Variants in L3MBTL4 observed in about 807,000 individuals in gnomAD.
L3MBTL4 encodes lethal(3)malignant brain tumor-like protein 4.
In L3MBTL4, 70 loss-of-function variants were observed where a neutral mutation model predicts 84.5. The observed-to-expected ratio is 0.83, with a 90% CI of 0.68 to 1.01. L3MBTL4 has a LOEUF of 1.01. Among genes scored for constraint, L3MBTL4 ranks in the 50% least tolerant of loss-of-function variants. The probability of loss-of-function intolerance (pLI) is 0.00; values close to 1 mark genes in which losing one functional copy is unlikely to be tolerated. For missense variants in L3MBTL4, 715 were observed against 754.8 expected (o/e 0.95, Z 0.62); for synonymous variants, 274 against 259.8 (o/e 1.05, Z -0.52).
chr18:6,209,030 T>C (rs1352607035), intron 12 of L3MBTL4, among the ~76,000 whole-genome samples: 2 of 152,204 alleles, frequency 1.3e-5, no homozygotes, highest in Non-Finnish European at 2.9e-5. Context: ...CCCCCAGCAC[T>C]GACCATGTAT....
chr18:6,157,726 T>C (rs756265809), intron 13 of L3MBTL4, among the ~76,000 whole-genome samples: 23 of 152,198 alleles, frequency 1.5e-4, no homozygotes, highest in African/African-American at 5.5e-4. Context: ...TTACAAAGGA[T>C]ATATATATTT....
At chr18:6,359,877 G>C (rs1001976636) in intron 1 of L3MBTL4, among the ~76,000 whole-genome samples, 3 of 151,938 alleles carry the variant, frequency 2.0e-5, no homozygotes, top group African/African-American at 7.3e-5. Flanking sequence ...CAGACACAGT[G>C]GGTTAAAGGG....
chr18:6,224,260 A>T (rs556453346), intron 10 of L3MBTL4, among the ~76,000 whole-genome samples: 1 of 152,344 alleles, frequency 6.6e-6, no homozygotes, highest in South Asian at 2.1e-4. Context: ...AAAACTTTAC[A>T]AAGCTAAAAC....
intron 17 of L3MBTL4, among the ~76,000 whole-genome samples, chr18:5,969,152 G>A (rs1317098841): frequency 6.6e-6 from 1 of 152,160 alleles, no homozygotes; most frequent in Non-Finnish European, 1.5e-5. Context: ...GGGGGGCACT[G>A]GAATAAGGCT....
chr18:6,196,252 G>A (rs1381934904), intron 12 of L3MBTL4, among the ~76,000 whole-genome samples: 2 of 149,050 alleles, frequency 1.3e-5, no homozygotes, highest in East Asian at 1.9e-4. Flanking sequence ...CCACCTCCCG[G>A]GTTCACGCCA....
rs181512441 is a variant in L3MBTL4, at chr18:6,317,137, G to A, written c.-90-5081C>T. ...TGAGCACATTGTTACTACAAGAGGC[G>A]TCTGGGAAAGCCACAATACAAAGAT... On this transcript the variant is annotated intron_variant, in intron 1 of 18. Coordinates refer to ENST00000317931, the MANE Select transcript of L3MBTL4 (RefSeq NM_001330559.2). Among the ~76,000 whole-genome samples the A allele has an allele frequency of 4.4e-4, 67 of 152,126 alleles. No individual in the cohort carries two copies. In the East Asian group the frequency reaches 8.9e-3, roughly 20 times the overall value.
At chr18:6,161,531 T>C (rs553529016) in intron 13 of L3MBTL4, among the ~76,000 whole-genome samples, 20 of 152,312 alleles carry the variant, frequency 1.3e-4, no homozygotes, top group African/African-American at 4.6e-4. Context: ...TGCAATGAGA[T>C]TAAATGGCAC....
At position 6,241,433 on chromosome 18, in the gene L3MBTL4, T is replaced by C. The variant is rs1199179355; in HGVS notation, c.477A>G (p.Lys159=). ...CCTTCAAGTAATCCATCCAAACAAA[T>C]TTATCTTTTCTATAACCTAAAAAAA... ...LHIPKGYRKD[K]FVWMDYLKAC... The change falls in exon 8 of 19, where the codon AAA becomes AAG. Residue 159 remains lysine, a synonymous_variant. Transcript: ENST00000317931. 1.3e-6 allele frequency: 2 copies of C among 1,590,132 alleles called. No homozygotes were observed. Among genetic ancestry groups the C allele is most frequent in the Non-Finnish European group, 1.7e-6 (2 of 1,164,384 alleles).
chr18:6,072,383 A>T (rs1188958271), intron 16 of L3MBTL4, among the ~76,000 whole-genome samples: 1 of 152,178 alleles, frequency 6.6e-6, no homozygotes, highest in African/African-American at 2.4e-5. Context: ...AATATCTGGA[A>T]ATGAATCAGT....
At chr18:5,962,006 C>T (rs1283419286) in intron 17 of L3MBTL4, among the ~76,000 whole-genome samples, 2 of 152,138 alleles carry the variant, frequency 1.3e-5, no homozygotes, top group Non-Finnish European at 2.9e-5. Flanking sequence ...ATACTCCAAC[C>T]CTGTCTATGT....
chr18:5,983,415 C>G (rs2053325179), intron 16 of L3MBTL4, among the ~76,000 whole-genome samples: 1 of 152,134 alleles, frequency 6.6e-6, no homozygotes, highest in Non-Finnish European at 1.5e-5. Flanking sequence ...GTGGTAACAC[C>G]AACACTTGAA....
rs1429957184 is a variant in L3MBTL4, at chr18:6,012,449, G to T, written c.1445-42887C>A. On this transcript the variant is annotated intron_variant, in intron 16 of 18. Coordinates refer to ENST00000317931, the MANE Select transcript of L3MBTL4 (RefSeq NM_001330559.2). ...ACACAAACATCAGATTTTAATGTCAGTTTTGTCAGAAATCAACAGGATTAA... is the reference window on the plus strand; with the variant it reads ...ACACAAACATCAGATTTTAATGTCATTTTTGTCAGAAATCAACAGGATTAA... Among the ~76,000 whole-genome samples the T allele has an allele frequency of 2.6e-5, 4 of 152,162 alleles. No individual in the cohort carries two copies. In the East Asian group the frequency reaches 7.7e-4, roughly 29 times the overall value.
chr18:6,144,302 C>G (rs2042556901), intron 13 of L3MBTL4, among the ~76,000 whole-genome samples: 1 of 151,250 alleles, frequency 6.6e-6, no homozygotes. Context: ...TTTCAGAGCT[C>G]AGCTTGTCTG....
intron 1 of L3MBTL4, among the ~76,000 whole-genome samples, chr18:6,345,320 C>A (rs1231213370): frequency 6.6e-6 from 1 of 151,706 alleles, no homozygotes; most frequent in African/African-American, 2.4e-5. Flanking sequence ...TTGCTTTAAC[C>A]CGTGAGGCGG....
intron 16 of L3MBTL4, among the ~76,000 whole-genome samples, chr18:6,070,181 G>A (rs562900278): frequency 6.6e-6 from 1 of 152,188 alleles, no homozygotes; most frequent in African/African-American, 2.4e-5. Context: ...GTGGTAAAAA[G>A]CCATACACCC....
chr18:6,310,156 C>G (rs1377401681), intron 3 of L3MBTL4, among the ~76,000 whole-genome samples: 3 of 152,214 alleles, frequency 2.0e-5, no homozygotes, highest in Non-Finnish European at 4.4e-5. Flanking sequence ...AATCCTGAGT[C>G]TCCTCGTGCT....
intron 13 of L3MBTL4, among the ~76,000 whole-genome samples, chr18:6,162,142 T>C (rs900821276): frequency 1.3e-5 from 2 of 152,100 alleles, no homozygotes; most frequent in Non-Finnish European, 1.5e-5. Context: ...CATTCTTTTT[T>C]CATATAATAT....
chr18:6,369,541 G>C (rs941736532), intron 1 of L3MBTL4, among the ~76,000 whole-genome samples: 3 of 152,138 alleles, frequency 2.0e-5, no homozygotes, highest in African/African-American at 7.2e-5. Context: ...AAATAACACA[G>C]GCCATGGCTT....
chr18:6,044,800 T>C (rs1343871148), intron 16 of L3MBTL4, among the ~76,000 whole-genome samples: 4 of 152,194 alleles, frequency 2.6e-5, no homozygotes, highest in African/African-American at 9.6e-5. Context: ...CATCCTTAAG[T>C]GGTTTATTAG....
Sources: allele counts gnomAD v4.1 joint callset (sites outside exome capture counted in the v4.1 genomes callset), GRCh38; gene constraint gnomAD v4.1.1; transcripts MANE v1.5; gene names NCBI Gene and HGNC (gene_info 2026-07-23, HGNC 2026-07-21).